The following BORCS5 variants were observed in gnomAD, a reference collection of about 807,000 sequenced individuals.
BORCS5 encodes the protein BLOC-1-related complex subunit 5.
BORCS5 carries 17 observed loss-of-function variants against 22.1 expected under a neutral mutation model. The observed-to-expected ratio is 0.77, with a 90% confidence interval of 0.53 to 1.15. BORCS5 has a LOEUF of 1.15. Among genes scored for constraint, BORCS5 ranks in the 50% most tolerant of loss-of-function variants. The pLI is 0.00. For synonymous variants in BORCS5, 117 were observed against 99.8 expected (o/e 1.17, Z -1.03); for missense variants, 247 against 253.2 (o/e 0.98, Z 0.17).
intron 2 of BORCS5, among the ~76,000 whole-genome samples, chr12:12,362,662 T>TTTA (rs869063824): frequency 7.0e-6 from 1 of 143,340 alleles, no homozygotes; most frequent in South Asian, 2.2e-4. Flanking sequence ...TTTTTTTTTT[T>TTTA]AGAGTTTTGC....
At chr12:12,393,692 G>A (rs138105301) in intron 2 of BORCS5, among the ~76,000 whole-genome samples, 1 of 954 alleles carries the variant, frequency 1.0e-3, no homozygotes, top group African/African-American at 3.5e-3. Context: ...CCTAAATTTT[G>A]TATTTTTAGT....
intron 2 of BORCS5, among the ~76,000 whole-genome samples, chr12:12,378,545 C>A (rs7303550): frequency 6.6e-6 from 1 of 151,346 alleles, no homozygotes; most frequent in Non-Finnish European, 1.5e-5. Flanking sequence ...AATAACTAAC[C>A]GGTTTTCTTT....
In BORCS5 at chr12:12,467,795, G is replaced by GT. The variant is rs1943226823; in HGVS notation, c.*2020dup. ...ATTTGCATGAGGTTTGGAAGTGGAA[G>GT]TAGAGCAACAGCCATGTGTATTCAC... On this transcript the variant is annotated 3_prime_UTR_variant, in exon 4 of 4. Coordinates refer to ENST00000314565, the MANE Select transcript of BORCS5 (RefSeq NM_058169.6). 4 of 152,374 alleles carry GT rather than the reference G, an allele frequency of 2.6e-5. No homozygotes were observed. In the South Asian group the frequency reaches 8.3e-4, roughly 32 times the overall value. The allele number at this position is 152,374 out of a possible 1,614,324, so 9.4% of individuals were successfully genotyped here.
At chr12:12,371,050 A>G (rs936138566) in intron 2 of BORCS5, among the ~76,000 whole-genome samples, 4 of 152,060 alleles carry the variant, frequency 2.6e-5, no homozygotes, top group African/African-American at 7.2e-5. Context: ...CGCCTGGCCT[A>G]CTGTGTCCTT....
At position 12,361,354 on chromosome 12, in the gene BORCS5, A is replaced by G. The variant is rs1157239720; in HGVS notation, c.202+5A>G. The G allele has an allele frequency of 3.7e-6, 6 of 1,612,196 alleles. No individual in the cohort carries two copies. Among genetic ancestry groups the G allele is most frequent in the Non-Finnish European group, 5.1e-6 (6 of 1,178,482 alleles). ...CCTTCCAGCCCCTTTTGAAAGGTAA[A>G]GGATTGCGTTTTGTTTTATCTGAAC... is the stretch of plus-strand genomic sequence containing the variant. On this transcript the variant is annotated splice_donor_5th_base_variant and intron_variant, in intron 2 of 3. Transcript: ENST00000314565.
chr12:12,442,548 C>A (rs920171831), intron 3 of BORCS5, among the ~76,000 whole-genome samples: 19 of 152,136 alleles, frequency 1.2e-4, no homozygotes, highest in Admixed American at 3.9e-4. Flanking sequence ...GAAAAACTTG[C>A]AATCCTTGGA....
intron 2 of BORCS5, among the ~76,000 whole-genome samples, chr12:12,424,547 T>C (rs925783262): frequency 6.6e-6 from 1 of 152,104 alleles, no homozygotes; most frequent in Non-Finnish European, 1.5e-5. Context: ...ACAGTATCTG[T>C]TGGTTTATAT....
intron 2 of BORCS5, among the ~76,000 whole-genome samples, chr12:12,390,380 G>GGTAATAT (rs1246874984): frequency 1.3e-5 from 2 of 152,042 alleles, no homozygotes; most frequent in African/African-American, 2.4e-5. Flanking sequence ...TGAGGAAGGA[G>GGTAATAT]GTAATATATT....
At chr12:12,379,837 T>C (rs1863738324) in intron 2 of BORCS5, among the ~76,000 whole-genome samples, 1 of 151,464 alleles carries the variant, frequency 6.6e-6, no homozygotes, top group Non-Finnish European at 1.5e-5. Context: ...ACTTGTCCTT[T>C]GCATTCACAG....
At chr12:12,443,602 C>T (rs1387695634) in intron 3 of BORCS5, among the ~76,000 whole-genome samples, 3 of 152,224 alleles carry the variant, frequency 2.0e-5, no homozygotes, top group Admixed American at 6.5e-5. Context: ...AGCCAGAAAT[C>T]CTGGAAGAGG....
In BORCS5 at chr12:12,463,917, G is replaced by T. The variant is rs372980004; in HGVS notation, c.361-1629G>T. 3.9e-5 allele frequency among the ~76,000 whole-genome samples: 6 copies of T among 152,140 alleles called. No individual in the cohort carries two copies. The East Asian group carries it at 5.8e-4, about 15-fold the overall frequency. On this transcript the variant is annotated intron_variant, in intron 3 of 3. Coordinates refer to ENST00000314565, the MANE Select transcript of BORCS5 (RefSeq NM_058169.6). Reference sequence around the variant, plus strand: ...CATCTATCTAGTCTGGTAGGGTTGCGGGGTGGAGGGCCAGGAATGCCCTGC... The same window carrying T: ...CATCTATCTAGTCTGGTAGGGTTGCTGGGTGGAGGGCCAGGAATGCCCTGC...
rs568132329 is a variant in BORCS5 at position 12,443,434 on chromosome 12, C to G, written c.360+7649C>G. ...CCCCCCTTCTTGTCCTTTGGGCAAC[C>G]TTTCTTTTCTGTAAGAAATACAACT... On this transcript the variant is annotated intron_variant, in intron 3 of 3. Transcript: ENST00000314565. 2.0e-5 allele frequency among the ~76,000 whole-genome samples: 3 copies of G among 152,298 alleles called. No homozygotes were observed. The South Asian group carries it at 6.2e-4, about 32-fold the overall frequency.
chr12:12,470,744 A>G lies in BORCS5; in HGVS notation c.*4968A>G, dbSNP rs577665179. Among the ~76,000 whole-genome samples the G allele has an allele frequency of 4.0e-5, 6 of 150,826 alleles. No individual in the cohort carries two copies. Among genetic ancestry groups the G allele is most frequent in the African/African-American group, 1.5e-4 (6 of 41,048 alleles). On this transcript the variant is annotated 3_prime_UTR_variant, in exon 4 of 4. Coordinates refer to ENST00000314565, the MANE Select transcript of BORCS5 (RefSeq NM_058169.6). ...TGCTATGGCTACAGAGGGAAAGGGT[A>G]GCCAGATAATTATCCACATGCTTCA...
At chr12:12,378,859 C>CT (rs1258244754) in intron 2 of BORCS5, among the ~76,000 whole-genome samples, 1 of 151,210 alleles carries the variant, frequency 6.6e-6, no homozygotes, top group African/African-American at 2.4e-5. Flanking sequence ...CTCAAGTAAT[C>CT]TTCCTGCCTC....
chr12:12,357,086 C>G lies in BORCS5; in HGVS notation c.-366C>G. On this transcript the variant is annotated 5_prime_UTR_variant, in exon 1 of 4. Transcript: ENST00000314565. Reference sequence around the variant, plus strand: ...CGTAGCCGGCACCGCCCATCTGCGTCCCGGAAGGAGCGAGCTTGCGGAGCG... The same window carrying G: ...CGTAGCCGGCACCGCCCATCTGCGTGCCGGAAGGAGCGAGCTTGCGGAGCG... 6.5e-7 allele frequency: 1 copy of G among 1,533,878 alleles called. No homozygotes were observed. Among genetic ancestry groups the G allele is most frequent in the Non-Finnish European group, 8.7e-7 (1 of 1,145,540 alleles).
At chr12:12,411,672 T>C (rs1015947074) in intron 2 of BORCS5, among the ~76,000 whole-genome samples, 1 of 152,204 alleles carries the variant, frequency 6.6e-6, no homozygotes, top group African/African-American at 2.4e-5. Context: ...ACTTAAAACA[T>C]TGTTGCCCAA....
At chr12:12,404,865 A>AT (rs894666107) in intron 2 of BORCS5, among the ~76,000 whole-genome samples, 1 of 151,910 alleles carries the variant, frequency 6.6e-6, no homozygotes. Context: ...CACCTGGCTA[A>AT]TTTTTTTGTA....
At chr12:12,457,166 T>C (rs1338966266) in intron 3 of BORCS5, among the ~76,000 whole-genome samples, 1 of 152,222 alleles carries the variant, frequency 6.6e-6, no homozygotes, top group Non-Finnish European at 1.5e-5. Flanking sequence ...ATACATTTTA[T>C]CTCATTTAAT....
At chr12:12,401,770 C>G (rs1941482285) in intron 2 of BORCS5, among the ~76,000 whole-genome samples, 1 of 151,912 alleles carries the variant, frequency 6.6e-6, no homozygotes, top group South Asian at 2.1e-4. Context: ...TTGAAAACAT[C>G]ATCTAAGGCC....
Sources: allele counts gnomAD v4.1 joint callset (sites outside exome capture counted in the v4.1 genomes callset), GRCh38; gene constraint gnomAD v4.1.1; transcripts MANE v1.5; gene names NCBI Gene and HGNC (gene_info 2026-07-23, HGNC 2026-07-21).